Variants in CDH16 observed in about 807,000 individuals in gnomAD.
The protein encoded by CDH16 is cadherin-16.
A neutral mutation model predicts 87.6 loss-of-function variants in CDH16; 79 were observed. The ratio of observed to expected loss-of-function variants is 0.90; its 90% CI spans 0.75 to 1.09. CDH16 has a LOEUF of 1.09. Among genes scored for constraint, CDH16 ranks in the 50% least tolerant of loss-of-function variants. The probability of loss-of-function intolerance (pLI) is 0.00; values close to 1 mark genes in which losing one functional copy is unlikely to be tolerated. For synonymous variants in CDH16, 457 were observed against 439.5 expected, an observed-to-expected ratio of 1.04 and a Z score of -0.50; for missense variants, 1,124 against 1,071.7, an observed-to-expected ratio of 1.05 and a Z score of -0.68.
In CDH16 at chr16:66,908,401, C is replaced by T. The variant is rs751030839; in HGVS notation, c.2481G>A (p.Ala827=). The T allele has an allele frequency of 5.6e-6, 9 of 1,613,764 alleles. No individual in the cohort carries two copies. Among genetic ancestry groups the T allele is most frequent in the African/African-American group, 2.7e-5 (2 of 75,046 alleles). ...GAGCTGCCTGGGCCATTCAGACAGTCGCCTTCAGGGGCACGCTGTCTGCTG... is the reference window on the plus strand; with the variant it reads ...GAGCTGCCTGGGCCATTCAGACAGTTGCCTTCAGGGGCACGCTGTCTGCTG... ...DQPADSVPLK[A]TV The change falls in exon 18 of 18, where the codon GCG becomes GCA. Residue 827 remains alanine, a synonymous_variant. Coordinates refer to ENST00000299752, the MANE Select transcript of CDH16 (RefSeq NM_004062.4).
chr16:66,912,494 G>A lies in CDH16; in HGVS notation c.1359+10C>T, dbSNP rs369316240. The stretch of plus-strand genomic sequence containing the variant: ...TCCTTCCCAAGGCCTTCTCCCCTGC[G>A]TCTGCTTACCTGGGAAGTGATGAAC... On this transcript the variant is annotated intron_variant, in intron 11 of 17. Coordinates refer to ENST00000299752, the MANE Select transcript of CDH16 (RefSeq NM_004062.4). 5.3e-5 allele frequency: 86 copies of A among 1,614,134 alleles called. No individual in the cohort carries two copies. The South Asian group carries it at 5.4e-4, about 10-fold the overall frequency.
At chr16:66,913,080 A>G in intron 9 of CDH16, 51 bp downstream of exon 9, 1 of 1,564,590 alleles carries the variant, frequency 6.4e-7, no homozygotes, top group Non-Finnish European at 8.7e-7. Context: ...AGAGAAGAGC[A>G]AGACCAGGTG....
Position 66,912,063 on chromosome 16 carries a change from G to GCCTGGC in CDH16, c.1620_1625dup (p.Pro545_Gly546dup). ...CCGTGGCGGTGGCTCCAGGGCCTGG[G>GCCTGGC]CCTGGCCCCACCAGCTTCGCCACAC... On this transcript the variant is annotated inframe_insertion, in exon 13 of 18. Coordinates refer to ENST00000299752, the MANE Select transcript of CDH16 (RefSeq NM_004062.4). The GCCTGGC allele has an allele frequency of 6.2e-7, 1 of 1,614,074 alleles. No individual in the cohort carries two copies. Among genetic ancestry groups the GCCTGGC allele is most frequent in the Non-Finnish European group, 8.5e-7 (1 of 1,180,000 alleles).
rs771593914 is a variant in CDH16, at chr16:66,909,304, C to T, written c.2355G>A (p.Ser785=). 76 of 1,613,624 alleles carry T rather than the reference C, an allele frequency of 4.7e-5. No individual in the cohort carries two copies. In the African/African-American group the frequency reaches 7.1e-4, roughly 15 times the overall value. ...GRMKGMPTKL[S]AVGILVGTLV... is the part of the protein sequence containing the mutation. Reference sequence around the variant, plus strand: ...GGGTGCCTACAAGGATGCCCACTGCCGACAGCTTCGTGGGCATGCCCTTCA... The same window carrying T: ...GGGTGCCTACAAGGATGCCCACTGCTGACAGCTTCGTGGGCATGCCCTTCA... Residue 785 remains serine (S), a synonymous_variant, in exon 17 of 18, where the codon TCG becomes TCA. Coordinates refer to ENST00000299752, the MANE Select transcript of CDH16 (RefSeq NM_004062.4). The surrounding 1 kb of genome is among the most constrained non-coding windows in gnomAD (Gnocchi z 4.1).
chr16:66,908,440 C>T lies in CDH16; in HGVS notation c.2442G>A (p.Lys814=). Residue 814 remains lysine, a synonymous_variant, in exon 18 of 18, where the codon AAG becomes AAA. Transcript: ENST00000299752. The stretch of plus-strand genomic sequence containing the variant: ...CGCTGTCTGCTGGTTGATCCGGGTC[C>T]TTCTTCCTTGACATGGTCCAGTGGG... The part of the protein sequence containing the change: ...IFTHWTMSRK[K]DPDQPADSVP... The T allele has an allele frequency of 6.2e-7, 1 of 1,614,120 alleles. No homozygotes were observed. The highest frequency in any genetic ancestry group is 8.5e-7 in the Non-Finnish European group (1 of 1,180,000).
rs757694565 is a variant in CDH16, at chr16:66,915,140, A to G, written c.583+80T>C. ...CTTTTTACCTCTCAAGCTCCCACCC[A>G]TGCTTGTCTTATGGTTCAGATACCA... On this transcript the variant is annotated intron_variant, in intron 6 of 17. Coordinates refer to ENST00000299752, the MANE Select transcript of CDH16 (RefSeq NM_004062.4). 5 of 1,369,332 alleles carry G rather than the reference A, an allele frequency of 3.7e-6. No homozygotes were observed. In the East Asian group the frequency reaches 9.4e-5, roughly 26 times the overall value. 84.8% of individuals were successfully genotyped at this position (1,369,332 alleles called of 1,614,324 possible).
Position 66,918,112 on chromosome 16 carries a change from T to G in CDH16, c.-13-34A>C, listed in dbSNP as rs190306836. The G allele has an allele frequency of 1.4e-5, 21 of 1,492,698 alleles. No individual in the cohort carries two copies. In the Admixed American group the frequency reaches 2.6e-4, roughly 19 times the overall value. The allele number at this position is 1,492,698 out of a possible 1,614,324, so 92.5% of individuals were successfully genotyped here. ...CACGGCAGTGAGGATCCAGCCCAGG[T>G]GGGTAGGGAGGGGCTTTCCATCCCA... On this transcript the variant is annotated intron_variant, in intron 1 of 17. Coordinates refer to ENST00000299752, the MANE Select transcript of CDH16 (RefSeq NM_004062.4).
chr16:66,917,867 C>T (rs980312233), intron 2 of CDH16, 142 bp from the exon 3 acceptor site: 2 of 973,762 alleles, frequency 2.1e-6, no homozygotes, highest in Non-Finnish European at 3.1e-6. Context: ...CTTTGACCTC[C>T]TCATCCCACA....
chr16:66,910,316 A>C lies in CDH16; in HGVS notation c.2111T>G (p.Phe704Cys). Residue 704 changes from phenylalanine to cysteine, a missense_variant, in exon 15 of 18, where the codon TTC becomes TGC. Coordinates refer to ENST00000299752, the MANE Select transcript of CDH16 (RefSeq NM_004062.4). Reference protein sequence around the residue: ...DLASGHGPYSFTLGPNPTVQR... With the variant: ...DLASGHGPYSCTLGPNPTVQR... ...CACCGTGGGGTTGGGACCAAGGGTG[A>C]AGCTGTAGGGACCGTGCCCACTGGC... is the stretch of plus-strand genomic sequence containing the variant. 1 of 1,613,556 alleles carries C rather than the reference A, an allele frequency of 6.2e-7. No individual in the cohort carries two copies.
At position 66,909,454 on chromosome 16, in the gene CDH16, A is replaced by G. The variant is rs1188138322; in HGVS notation, c.2276-71T>C. 9.6e-7 allele frequency: 1 copy of G among 1,044,372 alleles called. No individual in the cohort carries two copies. The highest frequency in any genetic ancestry group is 1.4e-6 in the Non-Finnish European group (1 of 691,254). 64.7% of individuals were successfully genotyped at this position (1,044,372 alleles called of 1,614,324 possible). On this transcript the variant is annotated intron_variant, in intron 16 of 17. Transcript: ENST00000299752. The surrounding 1 kb of genome is among the most constrained non-coding windows in gnomAD (Gnocchi z 4.1). ...CCCAGCTGCTCAGAGCCCCCAGCCC[A>G]GCCACCTGGCTGATATGTGTGTGTT...
chr16:66,912,634 G>A (rs1962481846), intron 10 of CDH16, 30 bp downstream of exon 10: 2 of 1,613,940 alleles, frequency 1.2e-6, no homozygotes, highest in Non-Finnish European at 1.7e-6. Context: ...GAGGGGACAG[G>A]GGGCCTGGGT....
intron 3 of CDH16, among the ~76,000 whole-genome samples, chr16:66,917,153 G>A (rs1229971153): frequency 1.3e-5 from 2 of 150,040 alleles, no homozygotes; most frequent in African/African-American, 2.5e-5. Context: ...AAAAAAATTA[G>A]CCAGGAGTGG....
chr16:66,909,531 C>T lies in CDH16; in HGVS notation c.2276-148G>A, dbSNP rs1341020333. 10 of 639,018 alleles carry T rather than the reference C, an allele frequency of 1.6e-5. No individual in the cohort carries two copies. The highest frequency in any genetic ancestry group is 2.4e-5 in the Admixed American group (1 of 42,206). 39.6% of individuals were successfully genotyped at this position (639,018 alleles called of 1,614,324 possible). A position where few individuals can be genotyped will look rare whatever the true frequency, so the allele number is the denominator to read the frequency against. On this transcript the variant is annotated intron_variant, in intron 16 of 17. Coordinates refer to ENST00000299752, the MANE Select transcript of CDH16 (RefSeq NM_004062.4). This position sits in a 1 kb window ranked among gnomAD's most constrained non-coding sequence, Gnocchi z 4.1. Reference sequence around the variant, plus strand: ...TGTGAAGATATATGCGCTAGCCAGGCGTGGTGGCTCACACCTGTAATCCCA... The same window carrying T: ...TGTGAAGATATATGCGCTAGCCAGGTGTGGTGGCTCACACCTGTAATCCCA...
In CDH16 at chr16:66,912,787, C is replaced by A; in HGVS notation, c.1159G>T (p.Glu387Ter). 6.2e-7 allele frequency: 1 copy of A among 1,613,728 alleles called. No individual in the cohort carries two copies. The highest frequency in any genetic ancestry group is 8.5e-7 in the Non-Finnish European group (1 of 1,180,020). Residue 387 changes from glutamate to a stop codon, truncating the protein, a stop_gained, in exon 10 of 18, where the codon GAG becomes TAG. Coordinates refer to ENST00000299752, the MANE Select transcript of CDH16 (RefSeq NM_004062.4). LOFTEE classifies it high-confidence loss of function. ...LLSPEPEDGVEGRAFQVDPTS... is the reference protein window; with the variant it reads ...LLSPEPEDGV ...GGGTCCACCTGGAAGGCTCTCCCCT[C>A]TACCCCATCCTCAGGCTCAGGGCTC... is the stretch of plus-strand genomic sequence containing the variant.
chr16:66,911,878 G>T (rs1430504508), intron 13 of CDH16, 21 bp downstream of exon 13: 3 of 1,569,326 alleles, frequency 1.9e-6, no homozygotes, highest in East Asian at 2.3e-5. Flanking sequence ...GTCCAGGTAA[G>T]GGGCTGGGAT....
At position 66,910,048 on chromosome 16, in the gene CDH16, C is replaced by G. The variant is rs139533607; in HGVS notation, c.2213G>C (p.Arg738Pro). 8 of 1,613,088 alleles carry G rather than the reference C, an allele frequency of 5.0e-6. No homozygotes were observed. Among genetic ancestry groups the G allele is most frequent in the Middle Eastern group, 1.6e-4 (1 of 6,078 alleles). The change falls in exon 16 of 18, where the codon CGT (arginine) becomes CCT (proline). Residue 738 changes from arginine to proline, a missense_variant. By Grantham distance (103) the Arg-to-Pro change is moderately radical (BLOSUM62 -2). Transcript: ENST00000299752. ...LTLALHWVEP[R>P]EHIIPVVVSH... ...GACCACCACGGGGATTATGTGTTCA[C>G]GTGGCTCCACCCAATGCAGGGCCAA... is the stretch of plus-strand genomic sequence containing the variant.
At chr16:66,913,357 G>T in intron 8 of CDH16, 76 bp from the exon 9 acceptor site, 1 of 1,552,086 alleles carries the variant, frequency 6.4e-7, no homozygotes, top group Non-Finnish European at 8.7e-7. Context: ...GTTTCCTTCC[G>T]GTGGGCCAGC....
rs763419806 is a variant in CDH16, at chr16:66,911,874, G to A, written c.1790+25C>T. 4.5e-6 allele frequency: 7 copies of A among 1,566,794 alleles called. No individual in the cohort carries two copies. In the South Asian group the frequency reaches 7.2e-5, roughly 16 times the overall value. ...AGGGAGCAGGGGCAATCCAGTCCAG[G>A]TAAGGGGCTGGGATTTTAGCTCACC... On this transcript the variant is annotated intron_variant, in intron 13 of 17. Coordinates refer to ENST00000299752, the MANE Select transcript of CDH16 (RefSeq NM_004062.4).
chr16:66,908,581 T>A, intron 17 of CDH16, 92 bp from the exon 18 acceptor site: 1 of 1,001,600 alleles, frequency 1.0e-6, no homozygotes, highest in Non-Finnish European at 1.6e-6. Flanking sequence ...ATTGGATTAA[T>A]GAAGAGATGA....
Sources: allele counts gnomAD v4.1 joint callset (sites outside exome capture counted in the v4.1 genomes callset), GRCh38; gene constraint gnomAD v4.1.1; non-coding constraint Gnocchi (gnomAD v3.1); transcripts MANE v1.5; gene names NCBI Gene and HGNC (gene_info 2026-07-23, HGNC 2026-07-21).